EEF2: variants seen among roughly 807,000 people sequenced by gnomAD.
EEF2 encodes elongation factor 2.
EEF2 carries 21 observed loss-of-function variants against 85.3 expected under a neutral mutation model. The observed-to-expected ratio is 0.25, with a 90% confidence interval of 0.17 to 0.35. EEF2 has a LOEUF of 0.35. Ranked by LOEUF, EEF2 falls within the 10% of genes least tolerant of loss-of-function variation. The pLI, the probability that EEF2 is intolerant of heterozygous loss-of-function variation, is 1.00. For synonymous variants in EEF2, 723 were observed against 508.8 expected, an observed-to-expected ratio of 1.42 and a Z score of -5.67; for missense variants, 825 against 1,225.3, an observed-to-expected ratio of 0.67 and a Z score of 4.88.
At position 3,985,431 on chromosome 19, in the gene EEF2, G is replaced by A. The variant is rs754780163; in HGVS notation, c.-51C>T. 1.6e-5 allele frequency: 24 copies of A among 1,463,272 alleles called. No individual in the cohort carries two copies. Among genetic ancestry groups the A allele is most frequent in the East Asian group, 5.5e-5 (2 of 36,484 alleles). The allele number at this position is 1,463,272 out of a possible 1,614,324, so 90.6% of individuals were successfully genotyped here. A position where few individuals can be genotyped will look rare whatever the true frequency, so the allele number is the denominator to read the frequency against. On this transcript the variant is annotated 5_prime_UTR_variant, in exon 1 of 15. Transcript: ENST00000309311. The stretch of plus-strand genomic sequence containing the variant: ...CAGGTAGAACCGAAAGAAGCGAGTC[G>A]CGCCGAGGATGGCGGCGACGACGGC...
intron 2 of EEF2, 73 bp downstream of exon 2, chr19:3,984,063 A>T (rs1199145163): frequency 6.5e-7 from 1 of 1,540,892 alleles, no homozygotes; most frequent in Non-Finnish European, 8.9e-7. Context: ...CTCCCCGCGC[A>T]CCCTGGCCCA....
In EEF2 at chr19:3,976,956, C is replaced by T. The variant is rs113337627; in HGVS notation, c.2384-209G>A. ...TTTGGGACAACCCTGTGCTACAGCTCGGCTGCTCTACCGGCCCAGGGCGTA... is the reference window on the plus strand; with the variant it reads ...TTTGGGACAACCCTGTGCTACAGCTTGGCTGCTCTACCGGCCCAGGGCGTA... On this transcript the variant is annotated intron_variant, in intron 14 of 14. Coordinates refer to ENST00000309311, the MANE Select transcript of EEF2 (RefSeq NM_001961.4). Among the ~76,000 whole-genome samples the T allele has an allele frequency of 1.0e-3, 155 of 152,312 alleles. 1 individual carries two copies. The highest frequency in any genetic ancestry group is 3.6e-3 in the African/African-American group (149 of 41,562).
intron 6 of EEF2, among the ~76,000 whole-genome samples, chr19:3,981,683 T>C (rs2039749608): frequency 6.6e-6 from 1 of 152,192 alleles, no homozygotes; most frequent in African/African-American, 2.4e-5. Flanking sequence ...AGGACCCAAG[T>C]TCTGACTTAC....
At position 3,985,442 on chromosome 19, in the gene EEF2, G is replaced by C; in HGVS notation, c.-62C>G. The C allele has an allele frequency of 6.9e-7, 1 of 1,446,436 alleles. No homozygotes were observed. Among genetic ancestry groups the C allele is most frequent in the East Asian group, 2.7e-5 (1 of 36,398 alleles). 89.6% of individuals were successfully genotyped at this position (1,446,436 alleles called of 1,614,324 possible). ...GAAAGAAGCGAGTCGCGCCGAGGAT[G>C]GCGGCGACGACGGCGGAAGAGAACG... On this transcript the variant is annotated 5_prime_UTR_variant, in exon 1 of 15. Transcript: ENST00000309311.
chr19:3,977,683 G>A lies in EEF2; in HGVS notation c.2068-73C>T, dbSNP rs1201001836. ...GCTTGCCCTCCACCTGCCAAGTCCT[G>A]CAGGTCTCCACCAGGGGGACCTGGG... On this transcript the variant is annotated intron_variant, in intron 12 of 14. Coordinates refer to ENST00000309311, the MANE Select transcript of EEF2 (RefSeq NM_001961.4). This position sits in a 1 kb window ranked among gnomAD's most constrained non-coding sequence, Gnocchi z 5.4. 11 of 1,477,140 alleles carry A rather than the reference G, an allele frequency of 7.4e-6. No individual in the cohort carries two copies. The highest frequency in any genetic ancestry group is 8.9e-6 in the Non-Finnish European group (10 of 1,119,606). 91.5% of individuals were successfully genotyped at this position (1,477,140 alleles called of 1,614,324 possible). A position where few individuals can be genotyped will look rare whatever the true frequency, so the allele number is the denominator to read the frequency against.
chr19:3,981,859 C>A, intron 6 of EEF2, 88 bp downstream of exon 6: 7 of 1,234,158 alleles, frequency 5.7e-6, no homozygotes, highest in Non-Finnish European at 1.2e-6. Flanking sequence ...GAGACGGGCC[C>A]AGTCAGCCGA....
intron 7 of EEF2, 40 bp downstream of exon 7, chr19:3,981,299 C>CTG (rs1568201040): frequency 3.8e-6 from 6 of 1,585,914 alleles, no homozygotes; most frequent in South Asian, 1.1e-5. Context: ...AAACAGCAGC[C>CTG]TGTGTTCCCT....
rs775950773 is a variant in EEF2, at chr19:3,980,083, G to A, written c.1347-17C>T. ...AAGATTGTTCTGGAAGAAGCAGAAG[G>A]CGGCAGCAGGCCGCAGGGATGGTTG... On this transcript the variant is annotated splice_polypyrimidine_tract_variant and intron_variant, in intron 9 of 14. Transcript: ENST00000309311. 18 of 1,607,450 alleles carry A rather than the reference G, an allele frequency of 1.1e-5. No homozygotes were observed. The highest frequency in any genetic ancestry group is 1.5e-5 in the Non-Finnish European group (18 of 1,176,968).
At chr19:3,979,105 CTGGATGACACAGCGA>C (rs2039712651) in intron 11 of EEF2, among the ~76,000 whole-genome samples, 1 of 152,096 alleles carries the variant, frequency 6.6e-6, no homozygotes, top group African/African-American at 2.4e-5. Flanking sequence ...GCACTCCAGC[CTGGATGACACAGCGA>C]GACTATCTCA....
At chr19:3,978,198 C>G in intron 11 of EEF2, 26 bp from the exon 12 acceptor site, 1 of 1,436,506 alleles carries the variant, frequency 7.0e-7, no homozygotes, top group East Asian at 2.5e-5. Flanking sequence ...AAGTCCCACT[C>G]TTGCCTGGAG....
Position 3,984,436 on chromosome 19 carries a change from TGCCCAAGGCCA to T in EEF2, c.4-97_4-87del, listed in dbSNP as rs1348601629. 3.5e-6 allele frequency: 5 copies of T among 1,438,986 alleles called. No individual in the cohort carries two copies. In the Admixed American group the frequency reaches 6.9e-5, roughly 20 times the overall value. The allele number at this position is 1,438,986 out of a possible 1,614,324, so 89.1% of individuals were successfully genotyped here. A position where few individuals can be genotyped will look rare whatever the true frequency, so the allele number is the denominator to read the frequency against. On this transcript the variant is annotated intron_variant, in intron 1 of 14. Transcript: ENST00000309311. Reference sequence around the variant, plus strand: ...AGCGTTCAGTCCAAACGAACCAGCATGCCCAAGGCCAGGAGGGGGTTGGTGCTGGGGTGCCC... The same window carrying T: ...AGCGTTCAGTCCAAACGAACCAGCATGGAGGGGGTTGGTGCTGGGGTGCCC...
chr19:3,984,361 C>A lies in EEF2; in HGVS notation c.4-11G>T. ...TACCGTGAAGTTCACCTGGGCAAGA[C>A]AAGGAGGCTCAGACCAGCTCGTGAT... On this transcript the variant is annotated splice_polypyrimidine_tract_variant and intron_variant, in intron 1 of 14. Transcript: ENST00000309311. The A allele has an allele frequency of 6.2e-7, 1 of 1,613,144 alleles. No individual in the cohort carries two copies.
In EEF2 at chr19:3,977,355, A is replaced by G; in HGVS notation, c.2251-8T>C. 1 of 1,590,694 alleles carries G rather than the reference A, an allele frequency of 6.3e-7. No individual in the cohort carries two copies. The highest frequency in any genetic ancestry group is 8.6e-7 in the Non-Finnish European group (1 of 1,169,014). ...GACCACCTGCTCTGGACACTGCCAGAAGGGAAAGAAAACCTGTCAGTGGCC... is the reference window on the plus strand; with the variant it reads ...GACCACCTGCTCTGGACACTGCCAGGAGGGAAAGAAAACCTGTCAGTGGCC... On this transcript the variant is annotated splice_region_variant and splice_polypyrimidine_tract_variant and intron_variant, in intron 13 of 14. Transcript: ENST00000309311. This position sits in a 1 kb window ranked among gnomAD's most constrained non-coding sequence, Gnocchi z 5.4.
At position 3,977,695 on chromosome 19, in the gene EEF2, CA is replaced by C. The variant is rs2039694875; in HGVS notation, c.2068-86del. The C allele has an allele frequency of 6.8e-7, 1 of 1,475,398 alleles. No individual in the cohort carries two copies. The highest frequency in any genetic ancestry group is 9.0e-7 in the Non-Finnish European group (1 of 1,116,618). 91.4% of individuals were successfully genotyped at this position (1,475,398 alleles called of 1,614,324 possible). On this transcript the variant is annotated intron_variant, in intron 12 of 14. Transcript: ENST00000309311. This position sits in a 1 kb window ranked among gnomAD's most constrained non-coding sequence, Gnocchi z 5.4. ...CCTGCCAAGTCCTGCAGGTCTCCAC[CA>C]GGGGGACCTGGGGCCTTGCCCGCCT...
In EEF2 at chr19:3,979,626, G is replaced by A. The variant is rs145040050; in HGVS notation, c.1605+182C>T. Among the ~76,000 whole-genome samples, 104 of 152,382 alleles carry A rather than the reference G, an allele frequency of 6.8e-4. 2 individuals are homozygous for A. In the East Asian group the frequency reaches 0.018, roughly 26 times the overall value. On this transcript the variant is annotated intron_variant, in intron 10 of 14. Coordinates refer to ENST00000309311, the MANE Select transcript of EEF2 (RefSeq NM_001961.4). The stretch of plus-strand genomic sequence containing the variant: ...AGCTACAGTGAACACGCGCAGAGCA[G>A]CCTAGGAGAGGGTGGTGGCTGCCTG...
rs563494998 is a variant in EEF2, at chr19:3,976,367, G to A, written c.*187C>T. On this transcript the variant is annotated 3_prime_UTR_variant, in exon 15 of 15. Transcript: ENST00000309311. ...GCGTGTCTGCTGCCTCCGGACTCTG[G>A]AAATAAATATTGAAAGAAACGGCAT... is the stretch of plus-strand genomic sequence containing the variant. 1.5e-4 allele frequency: 101 copies of A among 683,692 alleles called. No individual in the cohort carries two copies. Among genetic ancestry groups the A allele is most frequent in the East Asian group, 1.4e-3 (48 of 34,272 alleles). 42.4% of individuals were successfully genotyped at this position (683,692 alleles called of 1,614,324 possible).
At position 3,976,832 on chromosome 19, in the gene EEF2, C is replaced by T. The variant is rs2039685162; in HGVS notation, c.2384-85G>A. On this transcript the variant is annotated intron_variant, in intron 14 of 14. Transcript: ENST00000309311. ...GTCCTGTCAGGAGCTCAGGCTAGTT[C>T]CTCAGCCTGAGTCACCCTGCAGACC... 5.8e-6 allele frequency: 8 copies of T among 1,379,470 alleles called. No homozygotes were observed. In the South Asian group the frequency reaches 8.9e-5, roughly 15 times the overall value. The allele number at this position is 1,379,470 out of a possible 1,614,324, so 85.5% of individuals were successfully genotyped here.
rs2039697136 is a variant in EEF2, at chr19:3,977,872, G to A, written c.2014C>T (p.Leu672Phe). 6.2e-7 allele frequency: 1 copy of A among 1,611,920 alleles called. No individual in the cohort carries two copies. The highest frequency in any genetic ancestry group is 8.5e-7 in the Non-Finnish European group (1 of 1,178,778). ...ACCACACTGTCCTTGATCTCGTTGA[G>A]GTACTGCACACCCTTGGTGATGTCG... ...LTDITKGVQY[L>F]NEIKDSVVAG... The change falls in exon 12 of 15, where the codon CTC becomes TTC. Residue 672 changes from leucine (L) to phenylalanine (F), a missense_variant. Leu to Phe is a conservative substitution (Grantham distance 22). Coordinates refer to ENST00000309311, the MANE Select transcript of EEF2 (RefSeq NM_001961.4). This position sits in a 1 kb window ranked among gnomAD's most constrained non-coding sequence, Gnocchi z 5.4.
chr19:3,981,061 C>T (rs957846576), intron 7 of EEF2, 82 bp from the exon 8 acceptor site: 1 of 1,495,388 alleles, frequency 6.7e-7, no homozygotes, highest in African/African-American at 1.4e-5. Context: ...CTCTTGAAGC[C>T]AAGGAAGCCA....
Sources: allele counts gnomAD v4.1 joint callset (sites outside exome capture counted in the v4.1 genomes callset), GRCh38; gene constraint gnomAD v4.1.1; non-coding constraint Gnocchi (gnomAD v3.1); transcripts MANE v1.5; gene names NCBI Gene and HGNC (gene_info 2026-07-23, HGNC 2026-07-21).